MTUS2: variants seen among roughly 807,000 people sequenced by gnomAD.
MTUS2 encodes microtubule associated scaffold protein 2, also known as microtubule-associated tumor suppressor candidate 2.
MTUS2 carries 40 observed loss-of-function variants against 114.1 expected under a neutral mutation model. The observed-to-expected ratio is 0.35, with a 90% CI of 0.27 to 0.46. MTUS2 has a LOEUF of 0.46. MTUS2 is among the 20% of genes least tolerant of loss of function. MTUS2 has a pLI of 1.00. For synonymous variants in MTUS2, 688 were observed against 672.0 expected, an observed-to-expected ratio of 1.02 and a Z score of -0.37; for missense variants, 1,679 against 1,705.4, an observed-to-expected ratio of 0.98 and a Z score of 0.27.
At chr13:29,324,434 A>G (rs966271000) in intron 6 of MTUS2, among the ~76,000 whole-genome samples, 179 bp from the exon 7 acceptor site, 6 of 152,152 alleles carry the variant, frequency 3.9e-5, no homozygotes, top group African/African-American at 1.4e-4. Flanking sequence ...TCCCTTTCCT[A>G]TAAAGAAGTG....
chr13:29,151,713 A>G (rs981799462), intron 5 of MTUS2, among the ~76,000 whole-genome samples: 4 of 152,180 alleles, frequency 2.6e-5, no homozygotes, highest in Admixed American at 6.6e-5. Context: ...TGTTTCTTCA[A>G]TGCCTAGTTT....
chr13:29,137,096 C>A (rs1243490141), intron 5 of MTUS2, among the ~76,000 whole-genome samples: 1 of 151,956 alleles, frequency 6.6e-6, no homozygotes, highest in Non-Finnish European at 1.5e-5. Context: ...AGAGGAAAAA[C>A]ATTTTGTTTT....
At chr13:28,832,847 A>G (rs1256095881) in intron 1 of MTUS2, among the ~76,000 whole-genome samples, 1 of 151,856 alleles carries the variant, frequency 6.6e-6, no homozygotes, top group Non-Finnish European at 1.5e-5. Flanking sequence ...TAACTGACTA[A>G]TAGAAAAAGA....
At chr13:29,444,733 T>C (rs1379274153) in intron 9 of MTUS2, among the ~76,000 whole-genome samples, 1 of 151,962 alleles carries the variant, frequency 6.6e-6, no homozygotes, top group Non-Finnish European at 1.5e-5. Flanking sequence ...TGGGGGGCCC[T>C]GGGCAGCAAG....
chr13:29,117,802 A>G (rs1891152623), intron 5 of MTUS2, among the ~76,000 whole-genome samples: 1 of 152,186 alleles, frequency 6.6e-6, no homozygotes, highest in African/African-American at 2.4e-5. Context: ...TAGAAAATGA[A>G]AAATGCCACC....
At chr13:29,350,337 A>G (rs180966507) in intron 7 of MTUS2, among the ~76,000 whole-genome samples, 4 of 150,354 alleles carry the variant, frequency 2.7e-5, no homozygotes, top group African/African-American at 9.8e-5. Flanking sequence ...GTGTGCTTGT[A>G]GTACCAGAGT....
At chr13:29,422,371 C>T (rs1056848074) in intron 8 of MTUS2, among the ~76,000 whole-genome samples, 6 of 152,024 alleles carry the variant, frequency 3.9e-5, no homozygotes, top group Non-Finnish European at 7.3e-5. Context: ...GTGAGAGTTA[C>T]GTGAGATACA....
intron 7 of MTUS2, among the ~76,000 whole-genome samples, chr13:29,325,727 G>A (rs892104707): frequency 5.3e-5 from 8 of 152,310 alleles, no homozygotes; most frequent in African/African-American, 1.7e-4. Context: ...CTGCATGCCA[G>A]GTACTGCCCT....
At position 29,504,223 on chromosome 13, in the gene MTUS2, C is replaced by T. The variant is rs1883088894; in HGVS notation, c.*1017C>T. 4.3e-6 allele frequency: 1 copy of T among 232,358 alleles called. No homozygotes were observed. The highest frequency in any genetic ancestry group is 2.2e-5 in the African/African-American group (1 of 45,262). The allele number at this position is 232,358 out of a possible 1,614,324, so 14.4% of individuals were successfully genotyped here. On this transcript the variant is annotated 3_prime_UTR_variant, in exon 16 of 16. Coordinates refer to ENST00000612955, the MANE Select transcript of MTUS2 (RefSeq NM_001033602.4). ...TTGACCAGGCACAGAGGGGGAACAT[C>T]ACTCCAGCTTTCCATGTGGTTCACT...
intron 7 of MTUS2, among the ~76,000 whole-genome samples, chr13:29,353,524 C>T (rs1869476764): frequency 6.6e-6 from 1 of 151,968 alleles, no homozygotes. Context: ...TGGTCTCTAA[C>T]TCCTGGGCTC....
intron 2 of MTUS2, among the ~76,000 whole-genome samples, chr13:28,902,520 G>T (rs1879704933): frequency 6.6e-6 from 1 of 151,994 alleles, no homozygotes. Flanking sequence ...CTCCTAACTT[G>T]CTGAGAGTAT....
At position 29,083,776 on chromosome 13, in the gene MTUS2, G is replaced by T. The variant is rs369376353; in HGVS notation, c.2447-16997G>T. Among the ~76,000 whole-genome samples the T allele has an allele frequency of 2.6e-5, 4 of 152,240 alleles. 1 individual carries two copies. In the East Asian group the frequency reaches 7.7e-4, roughly 29 times the overall value. On this transcript the variant is annotated intron_variant, in intron 4 of 15. Transcript: ENST00000612955. ...GCCATACTAACTGGTTTTACTAGGG[G>T]TATGGTCCATGGGGTCTCATTTTGC... is the stretch of plus-strand genomic sequence containing the variant.
intron 2 of MTUS2, among the ~76,000 whole-genome samples, chr13:29,003,651 T>C (rs918747540): frequency 3.3e-5 from 5 of 152,198 alleles, no homozygotes; most frequent in Admixed American, 3.3e-4. Context: ...TCCTGCAGAA[T>C]AGGGGCCAGA....
intron 9 of MTUS2, among the ~76,000 whole-genome samples, chr13:29,474,214 C>G (rs892343766): frequency 6.6e-6 from 1 of 152,112 alleles, no homozygotes. Context: ...GAGGTGTACC[C>G]AGTTTGTGAT....
At chr13:28,897,584 A>T (rs1170938977) in intron 2 of MTUS2, among the ~76,000 whole-genome samples, 1 of 152,098 alleles carries the variant, frequency 6.6e-6, no homozygotes, top group Non-Finnish European at 1.5e-5. Flanking sequence ...TGCTGCTATA[A>T]AGACACACAC....
rs142550444 is a variant in MTUS2, at chr13:29,368,916, T to C, written c.3117+9443T>C. Among the ~76,000 whole-genome samples, 225 of 152,294 alleles carry C rather than the reference T, an allele frequency of 1.5e-3. 1 individual carries two copies. The highest frequency in any genetic ancestry group is 5.2e-3 in the African/African-American group (215 of 41,566). ...GGGACAGCATCTTGGGAAATGCCTG[T>C]GCATCCTTCATGGGGCCAGGTAAGG... On this transcript the variant is annotated intron_variant, in intron 8 of 15. Transcript: ENST00000612955.
intron 8 of MTUS2, among the ~76,000 whole-genome samples, chr13:29,429,452 A>C (rs1254969177): frequency 2.6e-5 from 4 of 152,256 alleles, no homozygotes; most frequent in African/African-American, 9.6e-5. Flanking sequence ...GTGAAAACTT[A>C]AAAAGCCAGA....
At chr13:28,887,661 G>T (rs1287604331) in intron 2 of MTUS2, among the ~76,000 whole-genome samples, 1 of 152,208 alleles carries the variant, frequency 6.6e-6, no homozygotes, top group Non-Finnish European at 1.5e-5. Context: ...TTGCAGGCAT[G>T]TGCCAAGGTG....
intron 2 of MTUS2, among the ~76,000 whole-genome samples, chr13:29,009,232 A>G (rs1885733526): frequency 2.6e-5 from 4 of 152,190 alleles, no homozygotes; most frequent in African/African-American, 9.6e-5. Flanking sequence ...CTGTCTTTCA[A>G]GTGGGGAATA....
Sources: allele counts gnomAD v4.1 joint callset (sites outside exome capture counted in the v4.1 genomes callset), GRCh38; gene constraint gnomAD v4.1.1; transcripts MANE v1.5; gene names NCBI Gene and HGNC (gene_info 2026-07-23, HGNC 2026-07-21).